Variants in NXPE2 observed in about 807,000 individuals in gnomAD.
The protein encoded by NXPE2 is NXPE family member 2.
In NXPE2, 34 loss-of-function variants were observed where a neutral mutation model predicts 34.4. The observed-to-expected ratio is 0.99, with a 90% CI of 0.75 to 1.31. The LOEUF (loss-of-function observed/expected upper bound fraction) is 1.31, where lower values mean the gene tolerates loss of function less well. Ranked by LOEUF, NXPE2 falls within the 40% of genes most tolerant of loss-of-function variation. NXPE2 has a pLI of 0.00. For missense variants in NXPE2, 649 were observed against 672.5 expected, an observed-to-expected ratio of 0.97 and a Z score of 0.39; for synonymous variants, 235 against 231.3, an observed-to-expected ratio of 1.02 and a Z score of -0.15.
the NXPE2 span, among the ~76,000 whole-genome samples, chr11:114,586,662 C>T: frequency 2.0e-5 from 3 of 152,112 alleles, no homozygotes; most frequent in East Asian, 1.9e-4. Flanking sequence ...ACTGAAGGTT[C>T]CTTGCCAGGG....
chr11:114,483,039 C>T, the NXPE2 span, among the ~76,000 whole-genome samples: 1 of 152,166 alleles, frequency 6.6e-6, no homozygotes, highest in Non-Finnish European at 1.5e-5. Context: ...CCTTGCCAAA[C>T]TTACTTTATA....
the NXPE2 span, among the ~76,000 whole-genome samples, chr11:114,632,995 A>C: frequency 9.5e-6 from 1 of 104,830 alleles, no homozygotes; most frequent in Non-Finnish European, 1.7e-5. Flanking sequence ...TTTATATAAT[A>C]TATAATAATA....
the NXPE2 span, among the ~76,000 whole-genome samples, chr11:114,615,867 T>A: frequency 1.3e-5 from 2 of 151,596 alleles, no homozygotes; most frequent in Non-Finnish European, 2.9e-5. Context: ...GTGTAAGCAC[T>A]GTGACCTGGT....
At chr11:114,632,113 T>C in the NXPE2 span, among the ~76,000 whole-genome samples, 1 of 144,194 alleles carries the variant, frequency 6.9e-6, no homozygotes, top group African/African-American at 2.5e-5. Flanking sequence ...AATATATAAA[T>C]TATATATTAT....
the NXPE2 span, among the ~76,000 whole-genome samples, chr11:114,564,967 C>A: frequency 6.6e-6 from 1 of 152,048 alleles, no homozygotes; most frequent in African/African-American, 2.4e-5. Context: ...AAATCTTATT[C>A]ATCTTTATTT....
At chr11:114,507,144 A>G in the NXPE2 span, among the ~76,000 whole-genome samples, 1 of 151,948 alleles carries the variant, frequency 6.6e-6, no homozygotes, top group Non-Finnish European at 1.5e-5. Context: ...AAATTCCTGG[A>G]CACATACACA....
At chr11:114,799,419 T>C in the NXPE2 span, among the ~76,000 whole-genome samples, 2 of 151,874 alleles carry the variant, frequency 1.3e-5, no homozygotes. Context: ...TTTCATCAAA[T>C]ATATCAGAGA....
chr11:114,541,605 C>CA, the NXPE2 span, among the ~76,000 whole-genome samples: 1 of 152,268 alleles, frequency 6.6e-6, no homozygotes, highest in Middle Eastern at 3.4e-3. Context: ...AGGCATGAAA[C>CA]ATCAATCAAA....
the NXPE2 span, among the ~76,000 whole-genome samples, chr11:114,610,270 T>C: frequency 2.0e-5 from 3 of 151,628 alleles, no homozygotes; most frequent in Non-Finnish European, 2.9e-5. Context: ...TAATAGGTGT[T>C]GCCTACCCGG....
At chr11:114,513,194 A>C in the NXPE2 span, 1 of 546,502 alleles carries the variant, frequency 1.8e-6, no homozygotes, top group South Asian at 1.5e-5. Context: ...TCTCACCTCC[A>C]GCAGGATGTC....
chr11:114,489,329 A>T, the NXPE2 span, among the ~76,000 whole-genome samples: 3 of 152,230 alleles, frequency 2.0e-5, no homozygotes, highest in African/African-American at 7.2e-5. Flanking sequence ...AATCAGTAGA[A>T]AACGGGAATC....
the NXPE2 span, among the ~76,000 whole-genome samples, chr11:114,568,005 C>G: frequency 6.6e-6 from 1 of 152,036 alleles, no homozygotes; most frequent in Non-Finnish European, 1.5e-5. Context: ...AAGAAATAAA[C>G]ATATGAAACA....
Position 114,679,778 on chromosome 11 carries a change from T to G in NXPE2, c.132+16T>G. ...CCACACAAAGGTAGGAAGTTTCATT[T>G]TTAAGAATTTCACAGAAGGTCACGG... On this transcript the variant is annotated intron_variant, in intron 2 of 5. Transcript: ENST00000389586. 2 of 1,484,284 alleles carry G rather than the reference T, an allele frequency of 1.3e-6. No individual in the cohort carries two copies. The highest frequency in any genetic ancestry group is 1.8e-6 in the Non-Finnish European group (2 of 1,088,354). The allele number at this position is 1,484,284 out of a possible 1,614,324, so 91.9% of individuals were successfully genotyped here.
chr11:114,492,275 T>C, the NXPE2 span, among the ~76,000 whole-genome samples: 1 of 152,202 alleles, frequency 6.6e-6, no homozygotes, highest in Non-Finnish European at 1.5e-5. Context: ...TATTGTTTAA[T>C]TTTCGTGTAT....
the NXPE2 span, among the ~76,000 whole-genome samples, chr11:114,735,010 C>T: frequency 1.3e-3 from 193 of 151,998 alleles, no homozygotes; most frequent in Middle Eastern, 3.4e-3. Context: ...CTCGGGAGGC[C>T]GAAGCAGGAG....
At chr11:114,729,140 C>G in the NXPE2 span, among the ~76,000 whole-genome samples, 4 of 152,090 alleles carry the variant, frequency 2.6e-5, no homozygotes, top group African/African-American at 7.2e-5. Context: ...CAAGGTTTAG[C>G]TCCCACTTAT....
At chr11:114,601,690 A>ATAT in the NXPE2 span, among the ~76,000 whole-genome samples, 20,171 of 32,414 alleles carry the variant, frequency 0.62, 8,351 homozygotes, top group African/African-American at 0.76. Flanking sequence ...TAGATTATAT[A>ATAT]TATTTATAAT....
the NXPE2 span, among the ~76,000 whole-genome samples, chr11:114,560,708 A>T: frequency 6.6e-6 from 1 of 152,222 alleles, no homozygotes; most frequent in African/African-American, 2.4e-5. Context: ...TGTTGCTGTA[A>T]CTTCTGCTAT....
the NXPE2 span, among the ~76,000 whole-genome samples, chr11:114,588,535 C>T: frequency 6.6e-6 from 1 of 151,818 alleles, no homozygotes; most frequent in Non-Finnish European, 1.5e-5. Flanking sequence ...CTATAGTAGG[C>T]CAAAAGGGAA....
Sources: gnomAD v4.1 joint callset for allele counts (sites outside exome capture counted in the v4.1 genomes callset) on GRCh38, gnomAD v4.1.1 for gene constraint, MANE v1.5 for transcripts, NCBI Gene and HGNC (gene_info 2026-07-23, HGNC 2026-07-21) for gene names.